TXNDC11: variants seen among roughly 807,000 people sequenced by gnomAD.
TXNDC11 encodes thioredoxin domain-containing protein 11.
TXNDC11 carries 68 observed loss-of-function variants against 78.0 expected under a neutral mutation model. The ratio of observed to expected loss-of-function variants is 0.87; its 90% CI spans 0.72 to 1.07. The LOEUF is 1.07. TXNDC11 is among the 50% of genes least tolerant of loss of function. The pLI is 0.00. For missense variants in TXNDC11, 1,389 were observed against 1,221.8 expected (o/e 1.14, Z -2.04); for synonymous variants, 571 against 495.2 (o/e 1.15, Z -2.03).
At chr16:11,709,305 C>A (rs996049126) in intron 5 of TXNDC11, among the ~76,000 whole-genome samples, 3 of 148,514 alleles carry the variant, frequency 2.0e-5, no homozygotes, top group African/African-American at 7.4e-5. Flanking sequence ...AGGCCTGGAG[C>A]GCAATGGCGT....
rs375567094 is a variant in TXNDC11 at position 11,704,988 on chromosome 16, A to G, written c.794-4424T>C. Among the ~76,000 whole-genome samples, 12 of 151,670 alleles carry G rather than the reference A, an allele frequency of 7.9e-5. No individual in the cohort carries two copies. In the East Asian group the frequency reaches 2.1e-3, roughly 27 times the overall value. ...ACAGTGGTGCATCTCGGCTCACTGC[A>G]ACCTTAAGTGATTCTCCTGCCTCAG... is the stretch of plus-strand genomic sequence containing the variant. On this transcript the variant is annotated intron_variant, in intron 5 of 11. Coordinates refer to ENST00000283033, the MANE Select transcript of TXNDC11 (RefSeq NM_015914.7).
intron 11 of TXNDC11, among the ~76,000 whole-genome samples, chr16:11,683,947 C>T (rs971792253): frequency 6.6e-6 from 1 of 152,006 alleles, no homozygotes; most frequent in Non-Finnish European, 1.5e-5. Context: ...GATGGGGTTT[C>T]ACCATGTCGG....
chr16:11,711,804 G>A (rs576764522), intron 5 of TXNDC11, among the ~76,000 whole-genome samples: 1 of 152,116 alleles, frequency 6.6e-6, no homozygotes, highest in African/African-American at 2.4e-5. Context: ...TCAGAGCTTC[G>A]GTTTCTCCAT....
intron 8 of TXNDC11, among the ~76,000 whole-genome samples, chr16:11,690,562 C>T (rs2050685112): frequency 1.3e-5 from 2 of 152,040 alleles, no homozygotes; most frequent in African/African-American, 4.8e-5. Context: ...TCACTGCTCT[C>T]TTTTTTTGGA....
intron 5 of TXNDC11, among the ~76,000 whole-genome samples, chr16:11,703,152 G>A (rs936035509): frequency 2.6e-5 from 4 of 152,118 alleles, no homozygotes; most frequent in African/African-American, 4.8e-5. Context: ...AATACAGCAC[G>A]TACAAATAAC....
intron 11 of TXNDC11, among the ~76,000 whole-genome samples, chr16:11,682,568 G>A (rs1285675172): frequency 6.6e-6 from 1 of 152,176 alleles, no homozygotes; most frequent in African/African-American, 2.4e-5. Context: ...GCCAGCTGCT[G>A]AGAACTTCTT....
At chr16:11,703,530 AC>A in intron 5 of TXNDC11, 1 of 546,200 alleles carries the variant, frequency 1.8e-6, no homozygotes, top group South Asian at 2.3e-5. Context: ...ACACACACAC[AC>A]ACACACACAC....
At chr16:11,697,544 G>A (rs1488495465) in intron 7 of TXNDC11, among the ~76,000 whole-genome samples, 1 of 152,168 alleles carries the variant, frequency 6.6e-6, no homozygotes, top group Non-Finnish European at 1.5e-5. Context: ...CAGAGCAGGC[G>A]CACCAGATGA....
chr16:11,702,535 T>C (rs1438275951), intron 5 of TXNDC11, among the ~76,000 whole-genome samples: 1 of 152,184 alleles, frequency 6.6e-6, no homozygotes, highest in Admixed American at 6.5e-5. Context: ...GGGTGTGTTG[T>C]GGTGGGCACC....
At chr16:11,714,413 G>A (rs1239697497) in intron 5 of TXNDC11, among the ~76,000 whole-genome samples, 2 of 152,144 alleles carry the variant, frequency 1.3e-5, no homozygotes, top group Non-Finnish European at 2.9e-5. Context: ...GGCCGAGGTG[G>A]GCGGATCACG....
intron 4 of TXNDC11, among the ~76,000 whole-genome samples, chr16:11,728,839 A>C (rs1256922477): frequency 6.6e-6 from 1 of 151,904 alleles, no homozygotes; most frequent in Non-Finnish European, 1.5e-5. Context: ...ATCTCTACTG[A>C]AAATACAAAA....
Position 11,692,043 on chromosome 16 carries a change from C to G in TXNDC11, c.1147G>C (p.Asp383His), listed in dbSNP as rs1196957198. 1.3e-6 allele frequency: 2 copies of G among 1,541,796 alleles called. No individual in the cohort carries two copies. The highest frequency in any genetic ancestry group is 1.7e-6 in the Non-Finnish European group (2 of 1,145,190). Residue 383 changes from aspartate to histidine, a missense_variant, in exon 8 of 12, where the codon GAC (aspartate) becomes CAC (histidine). Transcript: ENST00000283033. Reference sequence around the variant, plus strand: ...TGAAGGAGACGCTCCACCACCTGGTCCCCATGACAGTTGTTGTACTCCAAG... The same window carrying G: ...TGAAGGAGACGCTCCACCACCTGGTGCCCATGACAGTTGTTGTACTCCAAG... ...VALEYNNCHG[D>H]QVVERLLQHL...
chr16:11,703,548 G>T, intron 5 of TXNDC11: 1 of 557,972 alleles, frequency 1.8e-6, no homozygotes. Flanking sequence ...ACACACAGAG[G>T]GAGAGAGAGG....
intron 8 of TXNDC11, among the ~76,000 whole-genome samples, chr16:11,690,274 G>A (rs1450271021): frequency 2.6e-5 from 4 of 152,230 alleles, no homozygotes; most frequent in African/African-American, 9.7e-5. Context: ...ACAGGCCAGG[G>A]TGGGTCAGCC....
Position 11,742,700 on chromosome 16 carries a change from T to C in TXNDC11, c.31A>G (p.Ser11Gly), listed in dbSNP as rs929252570. MSECGGRGGG[S>G]SSSEDAEDEG... ...TCCTCGGCGTCCTCGCTGCTGCTGC[T>C]GCCGCCGCCGCGGCCTCCGCATTCC... is the stretch of plus-strand genomic sequence containing the variant. Residue 11 changes from serine to glycine, a missense_variant, in exon 1 of 12, where the codon AGC becomes GGC. Transcript: ENST00000283033. 14 of 1,478,880 alleles carry C rather than the reference T, an allele frequency of 9.5e-6. No individual in the cohort carries two copies. The highest frequency in any genetic ancestry group is 4.4e-5 in the African/African-American group (3 of 68,086). 91.6% of individuals were successfully genotyped at this position (1,478,880 alleles called of 1,614,324 possible).
chr16:11,696,491 T>A (rs7204241), intron 7 of TXNDC11, among the ~76,000 whole-genome samples: 1 of 152,092 alleles, frequency 6.6e-6, no homozygotes, highest in Admixed American at 6.6e-5. Context: ...CTATCCTTTC[T>A]CCCCTGGAGC....
chr16:11,691,620 G>C lies in TXNDC11; in HGVS notation c.1570C>G (p.Gln524Glu). 8.1e-6 allele frequency: 13 copies of C among 1,614,202 alleles called. No individual in the cohort carries two copies. The highest frequency in any genetic ancestry group is 1.1e-5 in the Non-Finnish European group (13 of 1,180,040). The change falls in exon 8 of 12, where the codon CAA (glutamine) becomes GAA (glutamate). Residue 524 changes from glutamine to glutamate, a missense_variant. By Grantham distance (29) the Gln-to-Glu change is conservative (BLOSUM62 2). Transcript: ENST00000283033. ...RGVSGFIDSE[Q>E]GVFEAPTVAF... ...ACAGTAGGGGCTTCAAAGACACCTT[G>C]TTCAGAGTCGATGAAGCCTGACACA...
Position 11,742,711 on chromosome 16 carries a change from C to T in TXNDC11, c.20G>A (p.Arg7His), listed in dbSNP as rs1276841281. ...CTCGCTGCTGCTGCTGCCGCCGCCG[C>T]GGCCTCCGCATTCCGACATTACATG... is the stretch of plus-strand genomic sequence containing the variant. MSECGG[R>H]GGGSSSSEDA... is the part of the protein sequence containing the mutation. Residue 7 changes from arginine (R) to histidine (H), a missense_variant, in exon 1 of 12, where the codon CGC (arginine) becomes CAC (histidine). Arg to His is a conservative substitution (Grantham distance 29, BLOSUM62 0). Transcript: ENST00000283033. 6.7e-7 allele frequency: 1 copy of T among 1,483,696 alleles called. No individual in the cohort carries two copies. Among genetic ancestry groups the T allele is most frequent in the Non-Finnish European group, 8.9e-7 (1 of 1,127,718 alleles). 91.9% of individuals were successfully genotyped at this position (1,483,696 alleles called of 1,614,324 possible).
chr16:11,737,176 G>A (rs887826147), intron 1 of TXNDC11, among the ~76,000 whole-genome samples: 1 of 152,120 alleles, frequency 6.6e-6, no homozygotes, highest in African/African-American at 2.4e-5. Flanking sequence ...ACCAGGCGTG[G>A]TGACTCAGCC....
Sources: allele counts gnomAD v4.1 joint callset (sites outside exome capture counted in the v4.1 genomes callset), GRCh38; gene constraint gnomAD v4.1.1; transcripts MANE v1.5; gene names NCBI Gene and HGNC (gene_info 2026-07-23, HGNC 2026-07-21).